Variants in PIEZO2 observed in about 807,000 individuals in gnomAD.
PIEZO2 encodes piezo-type mechanosensitive ion channel component 2.
Under a neutral mutation model 337.3 loss-of-function variants are expected in PIEZO2, and 172 were observed. The observed-to-expected ratio is 0.51, with a 90% confidence interval of 0.45 to 0.58. The LOEUF is 0.58. Ranked by LOEUF, PIEZO2 falls within the 20% of genes least tolerant of loss-of-function variation. PIEZO2 has a pLI of 0.00. For missense variants in PIEZO2, 3,028 were observed against 3,391.3 expected (o/e 0.89, Z 2.66); for synonymous variants, 1,251 against 1,228.5 (o/e 1.02, Z -0.38).
intron 2 of PIEZO2, among the ~76,000 whole-genome samples, chr18:10,989,254 C>T (rs1284721077): frequency 6.6e-6 from 1 of 151,530 alleles, no homozygotes; most frequent in African/African-American, 2.4e-5. Context: ...GAGAATCATA[C>T]CTCAATAAAT....
rs141874535 is a variant in PIEZO2, at chr18:11,132,449, T to C, written c.64+16076A>G. 6.6e-6 allele frequency among the ~76,000 whole-genome samples: 1 copy of C among 152,286 alleles called. No individual in the cohort carries two copies. Among genetic ancestry groups the C allele is most frequent in the East Asian group, 1.9e-4 (1 of 5,174 alleles). ...GCTAGGTAACAGTACTTTGCAGGGC[T>C]GGGGCAAAGTTCTCCAGAAGGCCGT... On this transcript the variant is annotated intron_variant, in intron 1 of 55. Coordinates refer to ENST00000674853, the MANE Select transcript of PIEZO2 (RefSeq NM_001378183.1). This position sits in a 1 kb window ranked among gnomAD's most constrained non-coding sequence, Gnocchi z 4.7.
At chr18:10,882,714 G>T (rs891712888) in intron 4 of PIEZO2, among the ~76,000 whole-genome samples, 1 of 151,796 alleles carries the variant, frequency 6.6e-6, no homozygotes, top group Admixed American at 6.6e-5. Context: ...ACATGGGATG[G>T]TTGTCTTTCT....
Position 10,902,935 on chromosome 18 carries a change from G to A in PIEZO2, c.329+8251C>T, listed in dbSNP as rs896321204. Among the ~76,000 whole-genome samples, 4 of 152,256 alleles carry A rather than the reference G, an allele frequency of 2.6e-5. No homozygotes were observed. In the East Asian group the frequency reaches 7.7e-4, roughly 29 times the overall value. On this transcript the variant is annotated intron_variant, in intron 4 of 55. Coordinates refer to ENST00000674853, the MANE Select transcript of PIEZO2 (RefSeq NM_001378183.1). ...TGCAGAACCCTATGCAATGTGCCTC[G>A]AATTGTCCAAGGAATTGAATGGGGA...
intron 42 of PIEZO2, among the ~76,000 whole-genome samples, chr18:10,703,876 C>CG (rs1567966059): frequency 4.0e-5 from 6 of 151,772 alleles, no homozygotes; most frequent in Non-Finnish European, 8.8e-5. Flanking sequence ...ACGTATGGAA[C>CG]TTTACGTTTA....
At position 10,782,453 on chromosome 18, in the gene PIEZO2, TATATATATTATATTAAATA is replaced by T. The variant is rs1176457352; in HGVS notation, c.2493-2106_2493-2088del. On this transcript the variant is annotated intron_variant, in intron 17 of 55. Transcript: ENST00000674853. Reference sequence around the variant, plus strand: ...AATAATTATATAATATATTATATAGTATATATATTATATTAAATAATATATATTATATTAAATATTATAT... The same window carrying T: ...AATAATTATATAATATATTATATAGTATATATATTATATTAAATATTATAT... Among the ~76,000 whole-genome samples, 15 of 41,272 alleles carry T rather than the reference TATATATATTATATTAAATA, an allele frequency of 3.6e-4. No homozygotes were observed. In the East Asian group the frequency reaches 5.0e-3, roughly 14 times the overall value. The allele number at this position is 41,272 out of a possible 152,430, so 27.1% of individuals were successfully genotyped here.
At chr18:11,062,611 G>A (rs1469290203) in intron 2 of PIEZO2, among the ~76,000 whole-genome samples, 2 of 152,050 alleles carry the variant, frequency 1.3e-5, no homozygotes, top group Admixed American at 1.3e-4. Context: ...ATATGAAGAG[G>A]CACTTCTCAA....
intron 37 of PIEZO2, 62 bp downstream of exon 37, chr18:10,718,138 A>G: frequency 1.4e-6 from 2 of 1,387,730 alleles, no homozygotes; most frequent in Non-Finnish European, 9.9e-7. Context: ...TCCATTATAT[A>G]CGATCTGGGC....
intron 55 of PIEZO2, 146 bp from the exon 56 acceptor site, chr18:10,671,925 TA>T: frequency 1.4e-6 from 1 of 720,792 alleles, no homozygotes; most frequent in East Asian, 3.0e-5. Context: ...TCCCTTTGGT[TA>T]AAAAGTTGAC....
At position 10,672,083 on chromosome 18, in the gene PIEZO2, G is replaced by C. The variant is rs1317552187; in HGVS notation, c.8346-304C>G. 6.6e-6 allele frequency among the ~76,000 whole-genome samples: 1 copy of C among 152,132 alleles called. No homozygotes were observed. Among genetic ancestry groups the C allele is most frequent in the African/African-American group, 2.4e-5 (1 of 41,424 alleles). On this transcript the variant is annotated intron_variant, in intron 55 of 55. Transcript: ENST00000674853. This position sits in a 1 kb window ranked among gnomAD's most constrained non-coding sequence, Gnocchi z 4.7. ...TGTATGAACTTTAGGTGGTTTTGTTGCATATATTAAATGCATAAACCATAT... is the reference window on the plus strand; with the variant it reads ...TGTATGAACTTTAGGTGGTTTTGTTCCATATATTAAATGCATAAACCATAT...
chr18:11,131,050 A>C lies in PIEZO2; in HGVS notation c.64+17475T>G, dbSNP rs997676463. Among the ~76,000 whole-genome samples, 4 of 152,204 alleles carry C rather than the reference A, an allele frequency of 2.6e-5. No homozygotes were observed. Among genetic ancestry groups the C allele is most frequent in the Non-Finnish European group, 5.9e-5 (4 of 68,026 alleles). On this transcript the variant is annotated intron_variant, in intron 1 of 55. Coordinates refer to ENST00000674853, the MANE Select transcript of PIEZO2 (RefSeq NM_001378183.1). The surrounding 1 kb of genome is among the most constrained non-coding windows in gnomAD (Gnocchi z 5.3). ...TAGGTGAATCACAGCAAAGGCCTCT[A>C]GGATTTTGGAGCAAGGCCCTGCCAC...
At chr18:10,838,996 A>G (rs34963061) in intron 7 of PIEZO2, among the ~76,000 whole-genome samples, 52,299 of 152,102 alleles carry the variant, frequency 0.34, 9,105 homozygotes, top group Middle Eastern at 0.43. Flanking sequence ...TTTAGATGCC[A>G]CATTTTAAAG....
Position 10,940,830 on chromosome 18 carries a change from C to A in PIEZO2, c.287-29602G>T, listed in dbSNP as rs1439482516. Among the ~76,000 whole-genome samples the A allele has an allele frequency of 1.3e-5, 2 of 152,000 alleles. No individual in the cohort carries two copies. The highest frequency in any genetic ancestry group is 4.8e-5 in the African/African-American group (2 of 41,376). On this transcript the variant is annotated intron_variant, in intron 3 of 55. Coordinates refer to ENST00000674853, the MANE Select transcript of PIEZO2 (RefSeq NM_001378183.1). The surrounding 1 kb of genome is among the most constrained non-coding windows in gnomAD (Gnocchi z 5.3). ...TGAGCTGAGATCATGCCATTGCACTCCAGCCTGGCTACAGAGCAAGGCTCC... is the reference window on the plus strand; with the variant it reads ...TGAGCTGAGATCATGCCATTGCACTACAGCCTGGCTACAGAGCAAGGCTCC...
At chr18:10,875,570 C>A (rs1338203821) in intron 4 of PIEZO2, among the ~76,000 whole-genome samples, 1 of 152,102 alleles carries the variant, frequency 6.6e-6, no homozygotes, top group African/African-American at 2.4e-5. Flanking sequence ...ATTATTATAG[C>A]TCTTTCATGG....
At position 11,038,353 on chromosome 18, in the gene PIEZO2, CTTAA is replaced by C. The variant is rs2036997421; in HGVS notation, c.160+27770_160+27773del. 6.6e-6 allele frequency among the ~76,000 whole-genome samples: 1 copy of C among 152,070 alleles called. No homozygotes were observed. Among genetic ancestry groups the C allele is most frequent in the Admixed American group, 6.5e-5 (1 of 15,268 alleles). ...TTATTTCTAAGTTGTATTTTCCTTCCTTAATTTTTAACTCAAACTTACTCAATGA... is the reference window on the plus strand; with the variant it reads ...TTATTTCTAAGTTGTATTTTCCTTCCTTTTTAACTCAAACTTACTCAATGA... On this transcript the variant is annotated intron_variant, in intron 2 of 55. Transcript: ENST00000674853. This position sits in a 1 kb window ranked among gnomAD's most constrained non-coding sequence, Gnocchi z 4.1.
At position 11,070,258 on chromosome 18, in the gene PIEZO2, T is replaced by C. The variant is rs970018324; in HGVS notation, c.65-4036A>G. On this transcript the variant is annotated intron_variant, in intron 1 of 55. Coordinates refer to ENST00000674853, the MANE Select transcript of PIEZO2 (RefSeq NM_001378183.1). This position sits in a 1 kb window ranked among gnomAD's most constrained non-coding sequence, Gnocchi z 4.3. ...GTAAGGATTTATGTATCTAAACATA[T>C]CTAAATACAGAAAAAGTACAGTAAA... Among the ~76,000 whole-genome samples the C allele has an allele frequency of 2.0e-4, 31 of 152,142 alleles. No individual in the cohort carries two copies. Among genetic ancestry groups the C allele is most frequent in the African/African-American group, 7.5e-4 (31 of 41,422 alleles).
At position 10,854,959 on chromosome 18, in the gene PIEZO2, T is replaced by A. The variant is rs1264231757; in HGVS notation, c.917+394A>T. On this transcript the variant is annotated intron_variant, in intron 7 of 55. Coordinates refer to ENST00000674853, the MANE Select transcript of PIEZO2 (RefSeq NM_001378183.1). The surrounding 1 kb of genome is among the most constrained non-coding windows in gnomAD (Gnocchi z 4.6). ...TTAAGCTTTTACAATTAGTTAATGT[T>A]TCTGACGCTTAATTTGTTCTCGTAT... is the stretch of plus-strand genomic sequence containing the variant. Among the ~76,000 whole-genome samples, 5 of 152,348 alleles carry A rather than the reference T, an allele frequency of 3.3e-5. No homozygotes were observed. The highest frequency in any genetic ancestry group is 7.3e-5 in the Non-Finnish European group (5 of 68,032).
intron 1 of PIEZO2, among the ~76,000 whole-genome samples, chr18:11,142,839 G>T (rs541292910): frequency 6.7e-6 from 1 of 150,364 alleles, no homozygotes; most frequent in Admixed American, 6.6e-5. Context: ...AGTACTTTGG[G>T]AGGCCAAGGT....
At chr18:11,093,576 C>CTTTTTTTTT (rs67441841) in intron 1 of PIEZO2, among the ~76,000 whole-genome samples, 1 of 56,632 alleles carries the variant, frequency 1.8e-5, no homozygotes, top group African/African-American at 6.6e-5. Context: ...CACTCAACAT[C>CTTTTTTTTT]TTTTTTTTTT....
intron 52 of PIEZO2, among the ~76,000 whole-genome samples, chr18:10,678,650 G>A (rs2034121763): frequency 6.6e-6 from 1 of 152,140 alleles, no homozygotes; most frequent in South Asian, 2.1e-4. Flanking sequence ...ATTATGTTGA[G>A]GTTCCCAAAA....
Sources: allele counts gnomAD v4.1 joint callset (sites outside exome capture counted in the v4.1 genomes callset), GRCh38; gene constraint gnomAD v4.1.1; non-coding constraint Gnocchi (gnomAD v3.1); transcripts MANE v1.5; gene names NCBI Gene and HGNC (gene_info 2026-07-23, HGNC 2026-07-21).